Variants in MRPS6 observed in about 807,000 individuals in gnomAD.
The protein encoded by MRPS6 is small ribosomal subunit protein bS6m.
MRPS6 carries 6 observed loss-of-function variants against 13.1 expected under a neutral mutation model. That is an observed-to-expected ratio of 0.46 (90% CI 0.25 to 0.91). The LOEUF (loss-of-function observed/expected upper bound fraction) is 0.91, where lower values mean the gene tolerates loss of function less well. Among genes scored for constraint, MRPS6 ranks in the 40% least tolerant of loss-of-function variants. The pLI, the probability that MRPS6 is intolerant of heterozygous loss-of-function variation, is 0.18. For synonymous variants in MRPS6, 61 were observed against 56.5 expected (o/e 1.08, Z -0.36); for missense variants, 164 against 155.6 (o/e 1.05, Z -0.29).
At chr21:34,125,287 T>TA in intron 1 of MRPS6, 54 bp from the exon 2 acceptor site, 1 of 1,594,576 alleles carries the variant, frequency 6.3e-7, no homozygotes, top group Non-Finnish European at 8.5e-7. Context: ...TTCTAGCTCT[T>TA]ATATTAATTC....
intron 1 of MRPS6, chr21:34,097,165 A>G (rs752399933): frequency 6.2e-7 from 1 of 1,614,076 alleles, no homozygotes; most frequent in South Asian, 1.1e-5. Context: ...CGGTACTGGA[A>G]GTTCATAGAC....
At chr21:34,094,297 G>A (rs1317838884) in intron 1 of MRPS6, among the ~76,000 whole-genome samples, 1 of 152,064 alleles carries the variant, frequency 6.6e-6, no homozygotes. Flanking sequence ...AGTTTAAGAA[G>A]CTTTATAACA....
At chr21:34,125,896 C>A (rs1272260815) in intron 2 of MRPS6, among the ~76,000 whole-genome samples, 1 of 152,140 alleles carries the variant, frequency 6.6e-6, no homozygotes, top group Non-Finnish European at 1.5e-5. Flanking sequence ...GTAACCTAAG[C>A]CTAATCAACA....
At chr21:34,129,700 A>T (rs183969551) in intron 2 of MRPS6, among the ~76,000 whole-genome samples, 1 of 152,140 alleles carries the variant, frequency 6.6e-6, no homozygotes, top group Non-Finnish European at 1.5e-5. Flanking sequence ...GAGGAGATTG[A>T]TTCTCCTCTG....
chr21:34,131,921 C>G (rs1980515249), intron 2 of MRPS6, among the ~76,000 whole-genome samples: 1 of 152,220 alleles, frequency 6.6e-6, no homozygotes, highest in South Asian at 2.1e-4. Flanking sequence ...CCATGTGTGC[C>G]TCATCCATTT....
intron 2 of MRPS6, among the ~76,000 whole-genome samples, chr21:34,133,725 C>G (rs1304194466): frequency 6.6e-6 from 1 of 152,142 alleles, no homozygotes; most frequent in Non-Finnish European, 1.5e-5. Flanking sequence ...ATTTCAGCAG[C>G]ACATTACTCT....
chr21:34,142,229 T>A (rs1200569267), intron 2 of MRPS6, among the ~76,000 whole-genome samples, 179 bp from the exon 3 acceptor site: 2 of 152,316 alleles, frequency 1.3e-5, no homozygotes, highest in Middle Eastern at 3.4e-3. Flanking sequence ...GGCTTAACAC[T>A]GCAATTCTGT....
intron 1 of MRPS6, among the ~76,000 whole-genome samples, chr21:34,111,812 C>T (rs1256533227): frequency 6.7e-6 from 1 of 150,178 alleles, no homozygotes; most frequent in Non-Finnish European, 1.5e-5. Flanking sequence ...TTCTGACTCT[C>T]TTTCCAGCTT....
chr21:34,078,539 ATC>A (rs1262763428), intron 1 of MRPS6, among the ~76,000 whole-genome samples: 1 of 152,164 alleles, frequency 6.6e-6, no homozygotes, highest in East Asian at 1.9e-4. Flanking sequence ...GATTTTAAAA[ATC>A]TAGGTTATAT....
intron 2 of MRPS6, among the ~76,000 whole-genome samples, chr21:34,127,953 G>C (rs961764201): frequency 1.3e-5 from 2 of 152,162 alleles, no homozygotes; most frequent in Non-Finnish European, 2.9e-5. Context: ...CCGAAATTAC[G>C]GCAAGGCGCT....
chr21:34,121,489 C>T (rs555763434), intron 1 of MRPS6, among the ~76,000 whole-genome samples: 1 of 151,818 alleles, frequency 6.6e-6, no homozygotes, highest in African/African-American at 2.4e-5. Context: ...TCATTCATTC[C>T]TTTCTTTCTG....
At chr21:34,101,417 G>T (rs1430411147) in intron 1 of MRPS6, 1 of 1,000,050 alleles carries the variant, frequency 1.0e-6, no homozygotes, top group Non-Finnish European at 1.2e-6. Context: ...TGAGGCTTCA[G>T]TATTTGTAAG....
chr21:34,128,761 A>G lies in MRPS6; in HGVS notation c.185+3281A>G, dbSNP rs182873253. ...GAAGGTCAGTAGAACTGGGGGAGTC[A>G]TGCGTGTTCAGCTGAGGACCATTTT... On this transcript the variant is annotated intron_variant, in intron 2 of 2. Coordinates refer to ENST00000399312, the MANE Select transcript of MRPS6 (RefSeq NM_032476.4). Among the ~76,000 whole-genome samples the G allele has an allele frequency of 2.7e-3, 406 of 152,334 alleles. 9 individuals carry two copies. The highest frequency in any genetic ancestry group is 6.2e-4 in the Non-Finnish European group (42 of 68,034).
At chr21:34,086,517 T>TGTG (rs1978388281) in intron 1 of MRPS6, among the ~76,000 whole-genome samples, 16 of 148,384 alleles carry the variant, frequency 1.1e-4, no homozygotes, top group African/African-American at 4.0e-4. Flanking sequence ...TAGTTTGTGT[T>TGTG]TGTGTGTGTG....
At chr21:34,078,953 TA>T (rs1375533685) in intron 1 of MRPS6, among the ~76,000 whole-genome samples, 5 of 152,242 alleles carry the variant, frequency 3.3e-5, no homozygotes, top group African/African-American at 1.2e-4. Context: ...AGTTACCTCT[TA>T]GGGGAATCCT....
At chr21:34,100,780 A>G in intron 1 of MRPS6, 1 of 1,000,188 alleles carries the variant, frequency 1.0e-6, no homozygotes, top group Non-Finnish European at 1.2e-6. Context: ...TCTTTATAGT[A>G]GGCATATGGA....
chr21:34,107,319 T>G (rs1979519677), intron 1 of MRPS6, among the ~76,000 whole-genome samples: 1 of 152,196 alleles, frequency 6.6e-6, no homozygotes, highest in Admixed American at 6.5e-5. Flanking sequence ...CATGATTAGA[T>G]TCACACTATG....
At chr21:34,137,741 A>G (rs980675993) in intron 2 of MRPS6, among the ~76,000 whole-genome samples, 2 of 151,836 alleles carry the variant, frequency 1.3e-5, no homozygotes, top group African/African-American at 2.4e-5. Flanking sequence ...GATGCTCTTT[A>G]TAAGTTTGAG....
At chr21:34,113,781 T>G (rs1037955929) in intron 1 of MRPS6, among the ~76,000 whole-genome samples, 2 of 152,230 alleles carry the variant, frequency 1.3e-5, no homozygotes, top group Non-Finnish European at 2.9e-5. Context: ...CCAGGTGATA[T>G]TTTTGCTAAA....
Sources: allele counts gnomAD v4.1 joint callset (sites outside exome capture counted in the v4.1 genomes callset), GRCh38; gene constraint gnomAD v4.1.1; transcripts MANE v1.5; gene names NCBI Gene and HGNC (gene_info 2026-07-23, HGNC 2026-07-21).